Variants in TMTC1 observed in about 807,000 individuals in gnomAD.
The protein encoded by TMTC1 is protein O-mannosyl-transferase TMTC1.
Under a neutral mutation model 104.8 loss-of-function variants are expected in TMTC1, and 73 were observed. That is an observed-to-expected ratio of 0.70 (90% confidence interval 0.58 to 0.85). The LOEUF is 0.85. TMTC1 is among the 40% of genes least tolerant of loss of function. The pLI is 0.00. For missense variants in TMTC1, 1,035 were observed against 1,096.1 expected (o/e 0.94, Z 0.79); for synonymous variants, 434 against 428.7 (o/e 1.01, Z -0.15).
chr12:29,600,897 T>C (rs1443248378), intron 7 of TMTC1, among the ~76,000 whole-genome samples: 1 of 152,176 alleles, frequency 6.6e-6, no homozygotes, highest in Non-Finnish European at 1.5e-5. Context: ...GTGATAATGC[T>C]GCAAGGCATA....
chr12:29,755,769 G>A lies in TMTC1; in HGVS notation c.671C>T (p.Thr224Met), dbSNP rs372666028. The change falls in exon 4 of 18, where the codon ACG becomes ATG. Residue 224 changes from threonine to methionine, a missense_variant. By Grantham distance (81) the Thr-to-Met change is moderately conservative. Transcript: ENST00000539277. ...CAMLVKETGI[T>M]VFGVCLVYDL... is the part of the protein sequence containing the mutation. ...ATAAACCAAGCACACTCCAAACACC[G>A]TGATGCCTGTCTCTTTCACCAGCAT... 3.9e-5 allele frequency: 63 copies of A among 1,614,022 alleles called. No homozygotes were observed. The Middle Eastern group carries it at 4.9e-4, about 13-fold the overall frequency.
At position 29,710,605 on chromosome 12, in the gene TMTC1, AT is replaced by A. The variant is rs918897628; in HGVS notation, c.938+41060del. On this transcript the variant is annotated intron_variant, in intron 5 of 17. Transcript: ENST00000539277. ...TATATTTATATTTATTATACTTATAATTTTTTATATTTATATTTATATTTTT... is the reference window on the plus strand; with the variant it reads ...TATATTTATATTTATTATACTTATAATTTTTATATTTATATTTATATTTTT... Among the ~76,000 whole-genome samples, 488 of 142,166 alleles carry A rather than the reference AT, an allele frequency of 3.4e-3. 3 individuals carry two copies. Among genetic ancestry groups the A allele is most frequent in the African/African-American group, 0.012 (452 of 39,000 alleles). 93.3% of individuals were successfully genotyped at this position (142,166 alleles called of 152,430 possible). A position where few individuals can be genotyped will look rare whatever the true frequency, so the allele number is the denominator to read the frequency against.
At chr12:29,757,406 C>A (rs1388205024) in intron 3 of TMTC1, among the ~76,000 whole-genome samples, 1 of 152,130 alleles carries the variant, frequency 6.6e-6, no homozygotes, top group Non-Finnish European at 1.5e-5. Context: ...TTGTGACAAC[C>A]AAAAACGTAT....
At chr12:29,735,222 T>G (rs981608455) in intron 5 of TMTC1, among the ~76,000 whole-genome samples, 3 of 152,202 alleles carry the variant, frequency 2.0e-5, no homozygotes, top group Non-Finnish European at 2.9e-5. Flanking sequence ...TTATTAGATT[T>G]CCCATCAAAA....
At chr12:29,565,841 C>A (rs1222703668) in intron 9 of TMTC1, among the ~76,000 whole-genome samples, 5 of 152,124 alleles carry the variant, frequency 3.3e-5, no homozygotes, top group African/African-American at 4.8e-5. Flanking sequence ...GAGTGAGACT[C>A]CGTCTCAAAA....
At chr12:29,690,710 ATTC>A (rs948548483) in intron 5 of TMTC1, among the ~76,000 whole-genome samples, 1 of 152,184 alleles carries the variant, frequency 6.6e-6, no homozygotes, top group African/African-American at 2.4e-5. Flanking sequence ...TGTTTTCCCT[ATTC>A]TTTGTGTTTC....
chr12:29,624,171 G>T (rs529993780), intron 6 of TMTC1, among the ~76,000 whole-genome samples: 9 of 151,902 alleles, frequency 5.9e-5, no homozygotes, highest in African/African-American at 1.2e-4. Flanking sequence ...GTAAAGACAG[G>T]GTTTCACCAT....
intron 5 of TMTC1, among the ~76,000 whole-genome samples, chr12:29,668,586 T>A (rs1940382143): frequency 1.3e-5 from 2 of 149,844 alleles, no homozygotes; most frequent in African/African-American, 2.4e-5. Context: ...TCAGCCCCTC[T>A]AGTAGCTGGG....
At chr12:29,679,979 A>C (rs538501768) in intron 5 of TMTC1, among the ~76,000 whole-genome samples, 12 of 152,310 alleles carry the variant, frequency 7.9e-5, no homozygotes, top group Non-Finnish European at 1.6e-4. Context: ...TTAAAAACAA[A>C]AAGAATTATT....
At chr12:29,613,462 C>G (rs1946898287) in intron 6 of TMTC1, among the ~76,000 whole-genome samples, 2 of 152,174 alleles carry the variant, frequency 1.3e-5, no homozygotes. Context: ...ATCATGCTTA[C>G]CATATCCAGC....
intron 5 of TMTC1, among the ~76,000 whole-genome samples, chr12:29,679,856 CATT>C (rs749998153): frequency 6.6e-5 from 10 of 151,944 alleles, no homozygotes; most frequent in Admixed American, 2.0e-4. Context: ...GCAGTGTTTA[CATT>C]ATTATGAAAT....
intron 5 of TMTC1, among the ~76,000 whole-genome samples, chr12:29,695,596 C>T (rs566424880): frequency 9.8e-4 from 148 of 151,024 alleles, no homozygotes; most frequent in African/African-American, 3.3e-3. Context: ...TGAGCCACCG[C>T]GCCAGGCCAC....
chr12:29,745,383 G>A (rs1438414063), intron 5 of TMTC1, among the ~76,000 whole-genome samples: 1 of 152,010 alleles, frequency 6.6e-6, no homozygotes, highest in East Asian at 1.9e-4. Context: ...AGCACTTTGG[G>A]AGGCCAAGGC....
At chr12:29,643,347 G>A (rs1293752427) in intron 5 of TMTC1, among the ~76,000 whole-genome samples, 1 of 133,612 alleles carries the variant, frequency 7.5e-6, no homozygotes, top group East Asian at 2.2e-4. Context: ...GCACATGCAT[G>A]TTTATAGCAG....
intron 5 of TMTC1, among the ~76,000 whole-genome samples, chr12:29,745,504 C>A (rs1194402551): frequency 1.3e-5 from 2 of 151,168 alleles, no homozygotes; most frequent in African/African-American, 4.9e-5. Context: ...ACCTGTAATC[C>A]CAGCTACTCG....
At chr12:29,546,289 G>A (rs962216523) in intron 10 of TMTC1, among the ~76,000 whole-genome samples, 12 of 152,230 alleles carry the variant, frequency 7.9e-5, no homozygotes, top group African/African-American at 2.9e-4. Context: ...TCACTTGCAG[G>A]AGGAGGGTGG....
At chr12:29,605,770 G>A (rs1946682040) in intron 6 of TMTC1, among the ~76,000 whole-genome samples, 1 of 151,982 alleles carries the variant, frequency 6.6e-6, no homozygotes, top group Admixed American at 6.6e-5. Context: ...AGGGTATATT[G>A]TGTGATGCTG....
intron 5 of TMTC1, among the ~76,000 whole-genome samples, chr12:29,643,652 ATTATAT>A (rs1939024606): frequency 1.5e-4 from 1 of 6,836 alleles, no homozygotes; most frequent in Non-Finnish European, 2.3e-4. Context: ...TATATGTTAT[ATTATAT>A]AATATATAAT....
In TMTC1 at chr12:29,506,401, C is replaced by T. The variant is rs1943695692; in HGVS notation, c.*445G>A. On this transcript the variant is annotated 3_prime_UTR_variant, in exon 18 of 18. Transcript: ENST00000539277. ...ATAAGCCAATTCTTGGTAGGATTTTCCAAATGGCTTACCACAGAGGATTTA... is the reference window on the plus strand; with the variant it reads ...ATAAGCCAATTCTTGGTAGGATTTTTCAAATGGCTTACCACAGAGGATTTA... The T allele has an allele frequency of 6.5e-6, 1 of 154,574 alleles. No homozygotes were observed. The highest frequency in any genetic ancestry group is 2.0e-4 in the South Asian group (1 of 5,000). The allele number at this position is 154,574 out of a possible 1,614,324, so 9.6% of individuals were successfully genotyped here.
Sources: gnomAD v4.1 joint callset for allele counts (sites outside exome capture counted in the v4.1 genomes callset) on GRCh38, gnomAD v4.1.1 for gene constraint, MANE v1.5 for transcripts, NCBI Gene and HGNC (gene_info 2026-07-23, HGNC 2026-07-21) for gene names.